Variants in XXYLT1 observed in about 807,000 individuals in gnomAD.
XXYLT1 encodes xyloside xylosyltransferase 1, also known as UDP-xylose:alpha-xyloside alpha-1,3-xylosyltransferase.
A neutral mutation model predicts 28.9 loss-of-function variants in XXYLT1; 20 were observed. The observed-to-expected ratio is 0.69, with a 90% CI of 0.49 to 1.00. XXYLT1 has a LOEUF of 1.00. Ranked by LOEUF, XXYLT1 falls within the 50% of genes least tolerant of loss-of-function variation. The pLI, the probability that XXYLT1 is intolerant of heterozygous loss-of-function variation, is 0.00. For missense variants in XXYLT1, 542 were observed against 560.1 expected (o/e 0.97, Z 0.33); for synonymous variants, 257 against 253.8 (o/e 1.01, Z -0.12).
At chr3:195,266,222 G>A (rs1338630513) in intron 1 of XXYLT1, among the ~76,000 whole-genome samples, 1 of 152,176 alleles carries the variant, frequency 6.6e-6, no homozygotes, top group Non-Finnish European at 1.5e-5. Flanking sequence ...CTGGCCGGGT[G>A]CGGTGGCTCA....
chr3:195,143,843 G>GATAT (rs72344936), intron 3 of XXYLT1, among the ~76,000 whole-genome samples: 3 of 89,408 alleles, frequency 3.4e-5, no homozygotes, highest in African/African-American at 1.4e-4. Flanking sequence ...TATAGATATA[G>GATAT]ATATATATAT....
chr3:195,140,391 C>T (rs1036715370), intron 3 of XXYLT1, among the ~76,000 whole-genome samples: 3 of 152,160 alleles, frequency 2.0e-5, no homozygotes, highest in African/African-American at 7.2e-5. Flanking sequence ...TGGGAGGCAC[C>T]CTTACTGTTA....
At chr3:195,246,236 C>T (rs78628362) in intron 1 of XXYLT1, among the ~76,000 whole-genome samples, 3 of 152,218 alleles carry the variant, frequency 2.0e-5, no homozygotes, top group African/African-American at 7.2e-5. Flanking sequence ...AATCAAGCAT[C>T]GGTCCCCAGG....
At chr3:195,221,878 C>A (rs1371571589) in intron 2 of XXYLT1, among the ~76,000 whole-genome samples, 2 of 152,098 alleles carry the variant, frequency 1.3e-5, no homozygotes, top group Non-Finnish European at 2.9e-5. Context: ...CACAGGCAGG[C>A]AAGCATGAGC....
chr3:195,155,504 T>C lies in XXYLT1; in HGVS notation c.785+945A>G, dbSNP rs188595095. Among the ~76,000 whole-genome samples, 549 of 151,350 alleles carry C rather than the reference T, an allele frequency of 3.6e-3. 5 individuals carry two copies. Among genetic ancestry groups the C allele is most frequent in the African/African-American group, 0.013 (537 of 41,226 alleles). ...CCAGGGCCACAGGCCTGGTTTATTG[T>C]AATCAAAACCCGCTTCAGCTGTTCC... On this transcript the variant is annotated intron_variant, in intron 3 of 3. Transcript: ENST00000310380.
intron 2 of XXYLT1, chr3:195,184,523 G>GA: frequency 6.6e-6 from 5 of 760,908 alleles, no homozygotes; most frequent in Non-Finnish European, 8.0e-6. Flanking sequence ...CCATACCTCA[G>GA]ACTATCTTAA....
chr3:195,203,074 G>A (rs1028195268), intron 2 of XXYLT1, among the ~76,000 whole-genome samples: 2 of 151,970 alleles, frequency 1.3e-5, no homozygotes, highest in African/African-American at 4.8e-5. Context: ...CTCCCAAAGT[G>A]CTGGCATTAC....
chr3:195,141,734 C>T (rs984922594), intron 3 of XXYLT1, among the ~76,000 whole-genome samples: 6 of 152,206 alleles, frequency 3.9e-5, no homozygotes, highest in African/African-American at 1.4e-4. Flanking sequence ...ACGTGTTGTC[C>T]AGCATCTCCA....
intron 2 of XXYLT1, among the ~76,000 whole-genome samples, chr3:195,156,967 G>A (rs377725778): frequency 3.9e-5 from 6 of 152,206 alleles, no homozygotes; most frequent in Admixed American, 1.3e-4. Context: ...AAAGCGGGCC[G>A]GGCACAGTGG....
At chr3:195,101,198 C>T (rs1046007689) in intron 3 of XXYLT1, among the ~76,000 whole-genome samples, 2 of 152,256 alleles carry the variant, frequency 1.3e-5, no homozygotes, top group African/African-American at 4.8e-5. Flanking sequence ...AGTGCTATGC[C>T]GTCCTTACGG....
rs968350208 is a variant in XXYLT1 at position 195,156,377 on chromosome 3, C to T, written c.785+72G>A. The T allele has an allele frequency of 8.8e-5, 138 of 1,572,440 alleles. 1 individual carries two copies. Among genetic ancestry groups the T allele is most frequent in the African/African-American group, 1.5e-4 (11 of 73,988 alleles). ...GACGCCACTAAATCCCAATCTGTCA[C>T]GGCTGGCAGAAGAGAGAGGGTGAAG... On this transcript the variant is annotated intron_variant, in intron 3 of 3. Coordinates refer to ENST00000310380, the MANE Select transcript of XXYLT1 (RefSeq NM_152531.5).
At chr3:195,126,804 C>T (rs1718656962) in intron 3 of XXYLT1, among the ~76,000 whole-genome samples, 1 of 152,196 alleles carries the variant, frequency 6.6e-6, no homozygotes, top group Non-Finnish European at 1.5e-5. Context: ...GCACAGCCTC[C>T]CAGGGGCCCT....
intron 1 of XXYLT1, among the ~76,000 whole-genome samples, chr3:195,265,843 C>T (rs993807611): frequency 3.9e-5 from 6 of 152,276 alleles, no homozygotes; most frequent in South Asian, 2.1e-4. Context: ...AGCCGAGGAC[C>T]GTGGTGGCTT....
At chr3:195,213,151 A>T (rs1050323338) in intron 2 of XXYLT1, among the ~76,000 whole-genome samples, 2 of 152,202 alleles carry the variant, frequency 1.3e-5, no homozygotes, top group African/African-American at 2.4e-5. Context: ...GCTGGCTGAT[A>T]TGAGGTAGCT....
At chr3:195,254,961 G>C (rs1161205787) in intron 1 of XXYLT1, among the ~76,000 whole-genome samples, 6 of 152,118 alleles carry the variant, frequency 3.9e-5, no homozygotes, top group Admixed American at 3.9e-4. Context: ...CCCATCTGTA[G>C]CCAACACCAT....
chr3:195,238,056 G>A (rs573345254), intron 1 of XXYLT1, among the ~76,000 whole-genome samples: 77 of 152,164 alleles, frequency 5.1e-4, no homozygotes, highest in Non-Finnish European at 9.4e-4. Flanking sequence ...CTGGCTTCAA[G>A]ACCTCCGACG....
rs540898915 is a variant in XXYLT1 at position 195,208,927 on chromosome 3, A to ACTCC, written c.652+17778_652+17781dup. On this transcript the variant is annotated intron_variant, in intron 2 of 3. Transcript: ENST00000310380. ...CAAATCAGCTCACAATCAGAAGCTCACTCCCATCCTAGGTGCCGTGAATTC... is the reference window on the plus strand; with the variant it reads ...CAAATCAGCTCACAATCAGAAGCTCACTCCCTCCCATCCTAGGTGCCGTGAATTC... 2.6e-5 allele frequency among the ~76,000 whole-genome samples: 4 copies of ACTCC among 151,934 alleles called. No individual in the cohort carries two copies. The South Asian group carries it at 8.3e-4, about 32-fold the overall frequency.
At chr3:195,229,680 G>A (rs1724217564) in intron 1 of XXYLT1, among the ~76,000 whole-genome samples, 1 of 152,196 alleles carries the variant, frequency 6.6e-6, no homozygotes, top group Non-Finnish European at 1.5e-5. Flanking sequence ...TTAACAAAAC[G>A]ATCTCCGGTT....
intron 1 of XXYLT1, among the ~76,000 whole-genome samples, chr3:195,233,616 TA>T (rs1724396727): frequency 6.6e-6 from 1 of 152,220 alleles, no homozygotes; most frequent in Non-Finnish European, 1.5e-5. Flanking sequence ...ACAAACATAC[TA>T]AAAAACAAGC....
Sources: gnomAD v4.1 joint callset for allele counts (sites outside exome capture counted in the v4.1 genomes callset) on GRCh38, gnomAD v4.1.1 for gene constraint, MANE v1.5 for transcripts, NCBI Gene and HGNC (gene_info 2026-07-23, HGNC 2026-07-21) for gene names.